The following CLCN5 variants were observed in gnomAD, a reference collection of about 807,000 sequenced individuals.
CLCN5 encodes H(+)/Cl(-) exchange transporter 5.
Under a neutral mutation model 54.0 loss-of-function variants are expected in CLCN5, and 17 were observed. The observed-to-expected ratio is 0.31, with a 90% CI of 0.22 to 0.47. The LOEUF (loss-of-function observed/expected upper bound fraction) is 0.47. Ranked by LOEUF, CLCN5 falls within the 20% of genes least tolerant of loss-of-function variation. CLCN5 has a pLI of 1.00. For missense variants in CLCN5, 448 were observed against 646.7 expected, an observed-to-expected ratio of 0.69 and a Z score of 3.33; for synonymous variants, 222 against 233.0, an observed-to-expected ratio of 0.95 and a Z score of 0.43.
intron 3 of CLCN5, among the ~76,000 whole-genome samples, chrX:49,936,005 A>G (rs1250935541): frequency 1.8e-5 from 2 of 111,209 alleles, no homozygotes; most frequent in Non-Finnish European, 3.8e-5. Context: ...AGCACATAGT[A>G]TGTGCTCATT....
intron 3 of CLCN5, among the ~76,000 whole-genome samples, chrX:49,999,108 C>T (rs1227813396): frequency 7.3e-5 from 8 of 109,900 alleles, no homozygotes; most frequent in African/African-American, 2.7e-4. Flanking sequence ...TTATGGGACA[C>T]CCTCCCCACC....
At chrX:49,981,340 G>A (rs969268122) in intron 3 of CLCN5, among the ~76,000 whole-genome samples, 3 of 111,450 alleles carry the variant, frequency 2.7e-5, no homozygotes, top group Non-Finnish European at 3.8e-5. Context: ...TCTAATTTCT[G>A]ATTTCATGGT....
intron 3 of CLCN5, among the ~76,000 whole-genome samples, chrX:49,946,585 A>G (rs1461200841): frequency 4.5e-5 from 5 of 111,460 alleles, no homozygotes; most frequent in Non-Finnish European, 9.4e-5. Context: ...CACAATGGCA[A>G]GAAGGAATCA....
intron 3 of CLCN5, among the ~76,000 whole-genome samples, chrX:50,037,650 A>G (rs1296983057): frequency 3.6e-5 from 4 of 111,819 alleles, no homozygotes; most frequent in Non-Finnish European, 7.5e-5. Context: ...CTGGTTATAT[A>G]CAGGAGGATT....
chrX:50,063,825 G>A (rs1311026633), intron 4 of CLCN5, among the ~76,000 whole-genome samples: 120 of 110,509 alleles, frequency 1.1e-3, no homozygotes, highest in African/African-American at 3.8e-3. Context: ...TCAAGTGGGC[G>A]TCATCCCTGG....
intron 3 of CLCN5, among the ~76,000 whole-genome samples, chrX:49,958,578 A>G (rs1557174177): frequency 9.0e-6 from 1 of 111,496 alleles, no homozygotes; most frequent in East Asian, 2.8e-4. Flanking sequence ...TTTCAGAAAT[A>G]CCCCAGCTTT....
intron 4 of CLCN5, among the ~76,000 whole-genome samples, chrX:50,056,301 G>A (rs1262003860): frequency 9.0e-6 from 1 of 110,923 alleles, no homozygotes; most frequent in African/African-American, 3.3e-5. Context: ...AGGCAGGATC[G>A]TGCTACCCAA....
intron 3 of CLCN5, chrX:50,003,461 A>G (rs1557180899): frequency 2.6e-6 from 1 of 380,547 alleles, no homozygotes; most frequent in Admixed American, 2.6e-5. Context: ...CTTGCCTCCT[A>G]GAGCATACCC....
At chrX:50,051,927 A>AT (rs1381489539) in intron 4 of CLCN5, among the ~76,000 whole-genome samples, 1 of 111,260 alleles carries the variant, frequency 9.0e-6, no homozygotes, top group African/African-American at 3.3e-5. Context: ...CCCCTTCAGG[A>AT]TTTTTTTAGG....
intron 3 of CLCN5, among the ~76,000 whole-genome samples, chrX:50,002,702 TG>T (rs1929921957): frequency 9.1e-6 from 1 of 109,715 alleles, no homozygotes; most frequent in Admixed American, 9.8e-5. Flanking sequence ...TGTGTGTGTG[TG>T]TGTGTGTGTG....
intron 3 of CLCN5, among the ~76,000 whole-genome samples, chrX:49,981,784 C>T (rs1557177734): frequency 9.2e-6 from 1 of 108,208 alleles, no homozygotes; most frequent in Non-Finnish European, 1.9e-5. Flanking sequence ...AAATATGAAG[C>T]TGAAACCAAT....
intron 3 of CLCN5, among the ~76,000 whole-genome samples, chrX:49,966,366 T>A (rs1601988489): frequency 1.0e-5 from 1 of 97,104 alleles, no homozygotes; most frequent in African/African-American, 5.5e-5. Context: ...TCATGGTATT[T>A]TCTTACATGT....
At chrX:49,954,369 T>C (rs2147294371) in intron 3 of CLCN5, among the ~76,000 whole-genome samples, 1 of 111,014 alleles carries the variant, frequency 9.0e-6, no homozygotes, top group African/African-American at 3.3e-5. Flanking sequence ...TTTTTGGTCG[T>C]CAGCTATCGC....
Position 50,086,017 on chromosome X carries a change from C to T in CLCN5, c.971C>T (p.Ala324Val). The T allele has an allele frequency of 8.3e-7, 1 of 1,209,765 alleles. No individual in the cohort carries two copies. The highest frequency in any genetic ancestry group is 1.1e-6 in the Non-Finnish European group (1 of 893,614). The change falls in exon 10 of 15, where the codon GCC (alanine) becomes GTC (valine). Residue 324 changes from alanine (A) to valine (V), a missense_variant. Physicochemically the swap from Ala to Val is moderately conservative, Grantham distance 64 (BLOSUM62 0). Transcript: ENST00000376091. The part of the protein sequence containing the change: ...SAAAAAGVSV[A>V]FGAPIGGVLF... ...GCAGCAGCAGCTGGTGTATCTGTAGCCTTTGGAGCACCTATAGGTGGAGTA... is the reference window on the plus strand; with the variant it reads ...GCAGCAGCAGCTGGTGTATCTGTAGTCTTTGGAGCACCTATAGGTGGAGTA...
intron 3 of CLCN5, among the ~76,000 whole-genome samples, chrX:49,983,272 C>A (rs781897533): frequency 8.9e-6 from 1 of 112,295 alleles, no homozygotes; most frequent in South Asian, 3.6e-4. Context: ...TTGGTATATG[C>A]TGTAGTATAA....
intron 7 of CLCN5, among the ~76,000 whole-genome samples, chrX:50,079,023 C>T (rs1933563040): frequency 1.8e-5 from 2 of 111,470 alleles, no homozygotes; most frequent in South Asian, 7.6e-4. Context: ...CGGGGTTTCA[C>T]CATGTTAGCC....
intron 3 of CLCN5, among the ~76,000 whole-genome samples, chrX:49,935,379 T>C (rs1557169480): frequency 2.7e-5 from 3 of 112,175 alleles, no homozygotes; most frequent in Non-Finnish European, 1.9e-5. Flanking sequence ...ACTGCACTTG[T>C]TCAATATTTT....
At chrX:49,933,382 A>G (rs1925762502) in intron 3 of CLCN5, among the ~76,000 whole-genome samples, 1 of 111,961 alleles carries the variant, frequency 8.9e-6, no homozygotes, top group African/African-American at 3.2e-5. Flanking sequence ...AACGAAAACA[A>G]CCTTTCAAAA....
intron 4 of CLCN5, among the ~76,000 whole-genome samples, chrX:50,057,453 C>G (rs1372103322): frequency 0.011 from 331 of 31,455 alleles, 17 homozygotes; most frequent in African/African-American, 0.042. Context: ...ATCCAGGACT[C>G]TCCTGGATAG....
Sources: allele counts gnomAD v4.1 joint callset (sites outside exome capture counted in the v4.1 genomes callset), GRCh38; gene constraint gnomAD v4.1.1; transcripts MANE v1.5; gene names NCBI Gene and HGNC (gene_info 2026-07-23, HGNC 2026-07-21).